MGAT5: variants seen among roughly 807,000 people sequenced by gnomAD.
MGAT5 encodes the protein alpha-1,6-mannosylglycoprotein 6-beta-N-acetylglucosaminyltransferase A.
Under a neutral mutation model 94.3 loss-of-function variants are expected in MGAT5, and 30 were observed. The ratio of observed to expected loss-of-function variants is 0.32; its 90% CI spans 0.24 to 0.43. The LOEUF is 0.43. Among genes scored for constraint, MGAT5 ranks in the 20% least tolerant of loss-of-function variants. The probability of loss-of-function intolerance (pLI) is 1.00; values close to 1 mark genes in which losing one functional copy is unlikely to be tolerated. For missense variants in MGAT5, 691 were observed against 905.5 expected (o/e 0.76, Z 3.04); for synonymous variants, 310 against 322.9 (o/e 0.96, Z 0.43).
chr2:134,401,449 G>A (rs982307928), intron 10 of MGAT5, among the ~76,000 whole-genome samples: 1 of 152,084 alleles, frequency 6.6e-6, no homozygotes, highest in African/African-American at 2.4e-5. Flanking sequence ...CTAGGAGTGG[G>A]TCCCCTCAGG....
intron 1 of MGAT5, among the ~76,000 whole-genome samples, chr2:134,213,166 G>A (rs976994905): frequency 6.6e-6 from 1 of 152,192 alleles, no homozygotes; most frequent in African/African-American, 2.4e-5. Flanking sequence ...AAGGCAGCCA[G>A]ATGACAGGCT....
chr2:134,330,581 G>GTGTGTGTA (rs56795876), intron 4 of MGAT5, among the ~76,000 whole-genome samples: 2,535 of 137,174 alleles, frequency 0.018, 47 homozygotes, highest in Middle Eastern at 0.06. Flanking sequence ...GTGTGTGTGT[G>GTGTGTGTA]TGTTACGAAG....
intron 1 of MGAT5, among the ~76,000 whole-genome samples, chr2:134,128,881 G>T (rs1685982277): frequency 1.3e-5 from 2 of 152,272 alleles, no homozygotes; most frequent in South Asian, 4.1e-4. Flanking sequence ...ACCGTGTCTG[G>T]ACAGCTTTCC....
chr2:134,286,466 C>G (rs1685007465), intron 2 of MGAT5, among the ~76,000 whole-genome samples: 1 of 151,788 alleles, frequency 6.6e-6, no homozygotes, highest in African/African-American at 2.4e-5. Flanking sequence ...GAGTCTCGCT[C>G]TATTGCCTAG....
chr2:134,437,236 C>T (rs1179880842), intron 14 of MGAT5, among the ~76,000 whole-genome samples: 1 of 152,168 alleles, frequency 6.6e-6, no homozygotes, highest in Non-Finnish European at 1.5e-5. Context: ...GTGATCCAAC[C>T]ACCTTGGCCT....
Position 134,264,231 on chromosome 2 carries a change from A to T in MGAT5, c.242-6155A>T, listed in dbSNP as rs1199982782. 2.0e-5 allele frequency among the ~76,000 whole-genome samples: 3 copies of T among 152,246 alleles called. No individual in the cohort carries two copies. In the East Asian group the frequency reaches 5.8e-4, roughly 29 times the overall value. On this transcript the variant is annotated intron_variant, in intron 1 of 15. Coordinates refer to ENST00000281923, the MANE Select transcript of MGAT5 (RefSeq NM_002410.5). The stretch of plus-strand genomic sequence containing the variant: ...GAGACGGGGTTTCTCCATGTTGGTC[A>T]GGCTGGTCTCAAACTCCCGACCTCA...
At chr2:134,191,464 C>T (rs1234378026) in intron 1 of MGAT5, among the ~76,000 whole-genome samples, 1 of 152,260 alleles carries the variant, frequency 6.6e-6, no homozygotes, top group East Asian at 1.9e-4. Context: ...CCCTACCCCC[C>T]CCACCAGCAG....
At chr2:134,213,226 G>A (rs1246217288) in intron 1 of MGAT5, among the ~76,000 whole-genome samples, 1 of 152,114 alleles carries the variant, frequency 6.6e-6, no homozygotes, top group Non-Finnish European at 1.5e-5. Context: ...TAAATAGGTG[G>A]CCCAGGTGGT....
intron 14 of MGAT5, among the ~76,000 whole-genome samples, chr2:134,435,377 C>T (rs1196280751): frequency 1.3e-5 from 2 of 152,194 alleles, no homozygotes; most frequent in Admixed American, 6.5e-5. Flanking sequence ...TTGCATGGCT[C>T]ACTTCTTTAC....
chr2:134,282,908 CACATT>C (rs1168980645), intron 2 of MGAT5, among the ~76,000 whole-genome samples: 1 of 151,658 alleles, frequency 6.6e-6, no homozygotes, highest in Non-Finnish European at 1.5e-5. Context: ...CAGCCCAGGG[CACATT>C]CTTCCTGGGT....
chr2:134,440,229 A>G (rs1685409220), intron 14 of MGAT5, among the ~76,000 whole-genome samples: 1 of 152,156 alleles, frequency 6.6e-6, no homozygotes. Flanking sequence ...TCATCCTATC[A>G]CATGCTACTT....
intron 2 of MGAT5, among the ~76,000 whole-genome samples, chr2:134,281,508 T>C (rs1262229250): frequency 6.6e-6 from 1 of 152,176 alleles, no homozygotes; most frequent in African/African-American, 2.4e-5. Flanking sequence ...AGAAAACCTA[T>C]TGGCTTTGCC....
chr2:134,433,002 G>A (rs904477877), intron 14 of MGAT5, among the ~76,000 whole-genome samples: 1 of 152,040 alleles, frequency 6.6e-6, no homozygotes, highest in African/African-American at 2.4e-5. Flanking sequence ...TAGCAAATTG[G>A]TAGTGTTACA....
chr2:134,158,044 T>C (rs1242515165), intron 1 of MGAT5, among the ~76,000 whole-genome samples: 1 of 152,214 alleles, frequency 6.6e-6, no homozygotes, highest in Admixed American at 6.5e-5. Context: ...AGCATTTTTA[T>C]GGGCTTCAGA....
chr2:134,195,864 G>T (rs1679473337), intron 1 of MGAT5, among the ~76,000 whole-genome samples: 1 of 152,314 alleles, frequency 6.6e-6, no homozygotes, highest in East Asian at 1.9e-4. Flanking sequence ...TGTGTGCTGT[G>T]CTGGAGAATG....
chr2:134,407,099 C>A (rs1321330544), intron 11 of MGAT5, among the ~76,000 whole-genome samples: 1 of 152,164 alleles, frequency 6.6e-6, no homozygotes, highest in African/African-American at 2.4e-5. Flanking sequence ...TCTTCCTGTT[C>A]TCGTATACCC....
intron 9 of MGAT5, among the ~76,000 whole-genome samples, chr2:134,356,513 C>T (rs1679751624): frequency 1.3e-5 from 2 of 152,148 alleles, no homozygotes; most frequent in Non-Finnish European, 2.9e-5. Flanking sequence ...ATGTCTAAGT[C>T]TCTGTTCTCC....
intron 1 of MGAT5, among the ~76,000 whole-genome samples, chr2:134,124,958 G>A (rs1017800543): frequency 6.6e-6 from 1 of 152,124 alleles, no homozygotes; most frequent in African/African-American, 2.4e-5. Flanking sequence ...CTGGTAAAAT[G>A]TTTTTTAAAA....
chr2:134,194,726 G>A (rs1196305819), intron 1 of MGAT5, among the ~76,000 whole-genome samples: 4 of 152,124 alleles, frequency 2.6e-5, no homozygotes, highest in Admixed American at 2.0e-4. Context: ...GAACCAGATT[G>A]TGAAATAATG....
Sources: allele counts gnomAD v4.1 joint callset (sites outside exome capture counted in the v4.1 genomes callset), GRCh38; gene constraint gnomAD v4.1.1; transcripts MANE v1.5; gene names NCBI Gene and HGNC (gene_info 2026-07-23, HGNC 2026-07-21).